The following PCDHGA3 variants were observed in gnomAD, a reference collection of about 807,000 sequenced individuals.
PCDHGA3 encodes the protein protocadherin gamma-A3.
Under a neutral mutation model 58.5 loss-of-function variants are expected in PCDHGA3, and 40 were observed. The observed-to-expected ratio is 0.68, with a 90% CI of 0.53 to 0.89. The LOEUF (loss-of-function observed/expected upper bound fraction) is 0.89. Among genes scored for constraint, PCDHGA3 ranks in the 40% least tolerant of loss-of-function variants. The pLI is 0.00. For missense variants in PCDHGA3, 1,223 were observed against 1,195.9 expected (o/e 1.02, Z -0.33); for synonymous variants, 530 against 525.7 (o/e 1.01, Z -0.11).
At chr5:141,401,861 G>T (rs934405271) in intron 1 of PCDHGA3, among the ~76,000 whole-genome samples, 1 of 152,122 alleles carries the variant, frequency 6.6e-6, no homozygotes, top group African/African-American at 2.4e-5. Flanking sequence ...TAACCTTTCA[G>T]TAGTTTTCTT....
At chr5:141,366,085 C>A (rs938214198) in intron 1 of PCDHGA3, 6 of 1,614,150 alleles carry the variant, frequency 3.7e-6, no homozygotes, top group Non-Finnish European at 5.1e-6. Context: ...CAGAACCTGG[C>A]TACCTGGTGA....
intron 1 of PCDHGA3, among the ~76,000 whole-genome samples, chr5:141,482,782 G>T (rs775083331): frequency 1.6e-4 from 25 of 152,154 alleles, no homozygotes; most frequent in Non-Finnish European, 3.2e-4. Context: ...ACCTTAAACT[G>T]TGTGTGTGGC....
chr5:141,375,611 G>A lies in PCDHGA3; in HGVS notation c.2424+29154G>A, dbSNP rs1049659012. 8 of 1,614,060 alleles carry A rather than the reference G, an allele frequency of 5.0e-6. No individual in the cohort carries two copies. The African/African-American group carries it at 8.0e-5, about 16-fold the overall frequency. On this transcript the variant is annotated intron_variant, in intron 1 of 3. Transcript: ENST00000253812. ...GTCCTCCTACGTGTCCATCAACTCC[G>A]ACACTGGGATTCTGTACGCCCTGCG...
chr5:141,423,612 TGAAGAC>T, intron 1 of PCDHGA3: 1 of 1,611,004 alleles, frequency 6.2e-7, no homozygotes, highest in African/African-American at 1.3e-5. Flanking sequence ...TCTTGATAGC[TGAAGAC>T]TCAGCTATCA....
intron 1 of PCDHGA3, among the ~76,000 whole-genome samples, chr5:141,406,762 A>C (rs942707558): frequency 2.0e-5 from 3 of 152,238 alleles, no homozygotes; most frequent in Non-Finnish European, 4.4e-5. Context: ...CAAGGAATTA[A>C]AAATATTTCT....
At chr5:141,463,650 A>G (rs1206605758) in intron 1 of PCDHGA3, among the ~76,000 whole-genome samples, 1 of 151,746 alleles carries the variant, frequency 6.6e-6, no homozygotes, top group South Asian at 2.1e-4. Flanking sequence ...ACGGGGTTTC[A>G]CCGTGTTAGC....
intron 1 of PCDHGA3, chr5:141,420,146 C>G (rs372634787): frequency 1.9e-6 from 3 of 1,613,962 alleles, no homozygotes; most frequent in Non-Finnish European, 2.5e-6. Flanking sequence ...TCAAATGAAT[C>G]CAGAATTTAA....
At chr5:141,357,042 G>A (rs961651879) in intron 1 of PCDHGA3, 5 of 1,613,996 alleles carry the variant, frequency 3.1e-6, no homozygotes, top group Admixed American at 3.3e-5. Flanking sequence ...CCAGCGAGCC[G>A]GGACTATTTG....
chr5:141,448,669 G>A (rs553283446), intron 1 of PCDHGA3, among the ~76,000 whole-genome samples: 13 of 152,136 alleles, frequency 8.5e-5, no homozygotes, highest in African/African-American at 7.2e-5. Flanking sequence ...GGCCGGGCGC[G>A]GTGGCTCACG....
chr5:141,471,658 G>T (rs1354815239), intron 1 of PCDHGA3: 1 of 152,106 alleles, frequency 6.6e-6, no homozygotes, highest in Admixed American at 6.5e-5. Flanking sequence ...ATGTGGGGAT[G>T]CAGAAAAAAA....
chr5:141,372,008 C>A (rs774155523), intron 1 of PCDHGA3: 3 of 1,613,290 alleles, frequency 1.9e-6, no homozygotes, highest in East Asian at 4.5e-5. Flanking sequence ...GCGACCAGGG[C>A]TCGCCTACGC....
rs151037104 is a variant in PCDHGA3, at chr5:141,393,242, C to G, written c.2424+46785C>G. 3 of 1,613,778 alleles carry G rather than the reference C, an allele frequency of 1.9e-6. 1 individual carries two copies. The East Asian group carries it at 6.7e-5, about 36-fold the overall frequency. ...TCGAAGATCTAGAAGTAAAAATTAA[C>G]GAAATCGCGGTTCCTGGAGCACGTT... On this transcript the variant is annotated intron_variant, in intron 1 of 3. Coordinates refer to ENST00000253812, the MANE Select transcript of PCDHGA3 (RefSeq NM_018916.4).
At chr5:141,413,353 C>T (rs2095629361) in intron 1 of PCDHGA3, 2 of 1,613,844 alleles carry the variant, frequency 1.2e-6, no homozygotes, top group Middle Eastern at 1.6e-4. Context: ...GGGTCTGGCG[C>T]CCCGGGAGCT....
chr5:141,392,706 C>T (rs2092579718), intron 1 of PCDHGA3: 1 of 1,289,828 alleles, frequency 7.8e-7, no homozygotes, highest in South Asian at 1.6e-5. Flanking sequence ...TGTTTGGAGG[C>T]ACTCCAGGTT....
In PCDHGA3 at chr5:141,344,039, C is replaced by T. The variant is rs373529111; in HGVS notation, c.6C>T (p.Thr2=). The T allele has an allele frequency of 1.2e-5, 18 of 1,549,704 alleles. No homozygotes were observed. Among genetic ancestry groups the T allele is most frequent in the Non-Finnish European group, 8.7e-6 (10 of 1,149,188 alleles). The stretch of plus-strand genomic sequence containing the variant: ...AGCGATTCACCGAAAAGGAAATGAC[C>T]AATTGCCTGAGTTTCCGAAATGGCA... M[T]NCLSFRNGRG... is the part of the protein sequence containing the mutation. Residue 2 remains threonine, a synonymous_variant, in exon 1 of 4, where the codon ACC becomes ACT. Coordinates refer to ENST00000253812, the MANE Select transcript of PCDHGA3 (RefSeq NM_018916.4).
chr5:141,385,626 G>T, intron 1 of PCDHGA3: 1 of 1,001,778 alleles, frequency 1.0e-6, no homozygotes, highest in Non-Finnish European at 1.3e-6. Flanking sequence ...ACATTGGAAT[G>T]AATCGAGTCT....
In PCDHGA3 at chr5:141,394,778, C is replaced by T. The variant is rs377451053; in HGVS notation, c.2424+48321C>T. ...AGGACCATGGCCAGCCCCCTCTCTC[C>T]GCCACTGTCACGCTCACCGTAGCCG... On this transcript the variant is annotated intron_variant, in intron 1 of 3. Transcript: ENST00000253812. 8 of 1,613,514 alleles carry T rather than the reference C, an allele frequency of 5.0e-6. No individual in the cohort carries two copies. In the South Asian group the frequency reaches 7.7e-5, roughly 15 times the overall value.
At position 141,431,871 on chromosome 5, in the gene PCDHGA3, T is replaced by C; in HGVS notation, c.2425-62936T>C. The C allele has an allele frequency of 1.9e-6, 3 of 1,614,234 alleles. No homozygotes were observed. The highest frequency in any genetic ancestry group is 2.5e-6 in the Non-Finnish European group (3 of 1,180,032). The stretch of plus-strand genomic sequence containing the variant: ...GGGACATTAATTGCCCTTTTAAATG[T>C]AAATGACCAAGATTCTGAGGAAAAC... On this transcript the variant is annotated intron_variant, in intron 1 of 3. Coordinates refer to ENST00000253812, the MANE Select transcript of PCDHGA3 (RefSeq NM_018916.4). The surrounding 1 kb of genome is among the most constrained non-coding windows in gnomAD (Gnocchi z 4.8).
At chr5:141,364,712 G>T in intron 1 of PCDHGA3, 1 of 1,613,952 alleles carries the variant, frequency 6.2e-7, no homozygotes, top group Middle Eastern at 1.6e-4. Flanking sequence ...CGATATTAAT[G>T]ATAACTTCCC....
Sources: allele counts gnomAD v4.1 joint callset (sites outside exome capture counted in the v4.1 genomes callset), GRCh38; gene constraint gnomAD v4.1.1; non-coding constraint Gnocchi (gnomAD v3.1); transcripts MANE v1.5; gene names NCBI Gene and HGNC (gene_info 2026-07-23, HGNC 2026-07-21).